Variants in USP37 observed in about 807,000 individuals in gnomAD.
USP37 encodes ubiquitin carboxyl-terminal hydrolase 37.
Under a neutral mutation model 124.0 loss-of-function variants are expected in USP37, and 27 were observed. The observed-to-expected ratio is 0.22, with a 90% CI of 0.16 to 0.30. The LOEUF (loss-of-function observed/expected upper bound fraction) is 0.30, where lower values mean the gene tolerates loss of function less well. USP37 is among the 10% of genes least tolerant of loss of function. The pLI is 1.00. For missense variants in USP37, 889 were observed against 1,140.4 expected, an observed-to-expected ratio of 0.78 and a Z score of 3.17; for synonymous variants, 365 against 388.0, an observed-to-expected ratio of 0.94 and a Z score of 0.70.
At chr2:218,484,714 C>G (rs1470055221) in intron 16 of USP37, among the ~76,000 whole-genome samples, 1 of 150,226 alleles carries the variant, frequency 6.7e-6, no homozygotes, top group Non-Finnish European at 1.5e-5. Flanking sequence ...TGTAAAAGAA[C>G]TAGTCTCTAG....
At chr2:218,460,811 C>T (rs1257413546) in intron 22 of USP37, among the ~76,000 whole-genome samples, 1 of 151,976 alleles carries the variant, frequency 6.6e-6, no homozygotes, top group East Asian at 1.9e-4. Flanking sequence ...TGTGGTGGCG[C>T]ACACCAGTAG....
chr2:218,558,462 C>T (rs1693146682), intron 4 of USP37, 36 bp downstream of exon 4: 2 of 1,589,310 alleles, frequency 1.3e-6, no homozygotes, highest in Non-Finnish European at 1.7e-6. Context: ...AAATGATCTG[C>T]TTCAAGAGCT....
intron 8 of USP37, among the ~76,000 whole-genome samples, chr2:218,545,693 A>T (rs1049923386): frequency 1.3e-5 from 2 of 151,992 alleles, no homozygotes; most frequent in Non-Finnish European, 2.9e-5. Flanking sequence ...AAAAAAAAAA[A>T]TCCTCACAAA....
At chr2:218,487,024 C>A (rs909749836) in intron 15 of USP37, among the ~76,000 whole-genome samples, 7 of 152,122 alleles carry the variant, frequency 4.6e-5, no homozygotes, top group African/African-American at 1.7e-4. Context: ...CCGTGCCCGG[C>A]CTTATTTTTA....
intron 1 of USP37, among the ~76,000 whole-genome samples, chr2:218,565,076 C>T (rs1235800981): frequency 6.6e-6 from 1 of 152,138 alleles, no homozygotes; most frequent in Non-Finnish European, 1.5e-5. Flanking sequence ...CACATGCCAC[C>T]AAACCCGGCT....
At chr2:218,536,762 C>T (rs572020196) in intron 8 of USP37, among the ~76,000 whole-genome samples, 1 of 152,160 alleles carries the variant, frequency 6.6e-6, no homozygotes, top group East Asian at 1.9e-4. Context: ...TCTACAACAG[C>T]TGGTACTAAA....
At chr2:218,517,479 C>G (rs184635791) in intron 10 of USP37, among the ~76,000 whole-genome samples, 17 of 152,090 alleles carry the variant, frequency 1.1e-4, no homozygotes, top group Non-Finnish European at 2.2e-4. Context: ...ACCTTTACTT[C>G]GAAACTATAG....
chr2:218,530,105 A>T, intron 9 of USP37, 65 bp from the exon 10 acceptor site: 1 of 1,270,808 alleles, frequency 7.9e-7, no homozygotes, highest in Non-Finnish European at 1.1e-6. Flanking sequence ...TCATTTAATA[A>T]TAAAAGTATA....
intron 1 of USP37, among the ~76,000 whole-genome samples, 194 bp from the exon 2 acceptor site, chr2:218,563,007 T>C (rs926963085): frequency 6.6e-6 from 1 of 151,806 alleles, no homozygotes; most frequent in Admixed American, 6.6e-5. Flanking sequence ...CTACTAAAAA[T>C]ACAAAATTAG....
intron 13 of USP37, among the ~76,000 whole-genome samples, chr2:218,497,093 CAG>C (rs1446461336): frequency 1.3e-5 from 2 of 152,018 alleles, no homozygotes; most frequent in Admixed American, 6.5e-5. Flanking sequence ...TTTTTTGAGA[CAG>C]AGTCTTGCCC....
At chr2:218,526,123 A>T (rs1351745564) in intron 10 of USP37, among the ~76,000 whole-genome samples, 1 of 152,176 alleles carries the variant, frequency 6.6e-6, no homozygotes, top group Non-Finnish European at 1.5e-5. Context: ...TGTCTTTGCT[A>T]TTGTGAATAG....
intron 22 of USP37, among the ~76,000 whole-genome samples, chr2:218,461,596 ATGTG>A (rs1296245198): frequency 6.6e-6 from 1 of 152,216 alleles, no homozygotes; most frequent in Non-Finnish European, 1.5e-5. Flanking sequence ...TTGGAAATAC[ATGTG>A]TGACTGACTC....
chr2:218,531,519 C>T (rs1269702818), intron 9 of USP37, among the ~76,000 whole-genome samples: 1 of 152,198 alleles, frequency 6.6e-6, no homozygotes, highest in Non-Finnish European at 1.5e-5. Flanking sequence ...TTCACGCCTA[C>T]TAACTCAACA....
rs754121518 is a variant in USP37, at chr2:218,474,821, A to C, written c.2108T>G (p.Met703Arg). ...AGCTGCTAGAAGCTCTTCTTCGCTC[A>C]TTCTGTCAAATCCTGAGTTTTCCAA... ...SELENSGFDR[M>R]SEEELLAAVL... The change falls in exon 20 of 26, where the codon ATG becomes AGG. Residue 703 changes from methionine to arginine, a missense_variant. Coordinates refer to ENST00000258399, the MANE Select transcript of USP37 (RefSeq NM_020935.3). The C allele has an allele frequency of 6.2e-6, 10 of 1,614,002 alleles. No individual in the cohort carries two copies. The African/African-American group carries it at 1.3e-4, about 22-fold the overall frequency.
chr2:218,533,082 G>C lies in USP37; in HGVS notation c.778+1527C>G, dbSNP rs144100467. Among the ~76,000 whole-genome samples, 3 of 151,748 alleles carry C rather than the reference G, an allele frequency of 2.0e-5. No individual in the cohort carries two copies. In the East Asian group the frequency reaches 5.8e-4, roughly 29 times the overall value. On this transcript the variant is annotated intron_variant, in intron 9 of 25. Coordinates refer to ENST00000258399, the MANE Select transcript of USP37 (RefSeq NM_020935.3). ...TTTGTGCTATTAGCTTTATTTATGT[G>C]GTCTGGAACTACATCTGCAATATCT...
At chr2:218,478,960 A>G (rs1002817132) in intron 18 of USP37, among the ~76,000 whole-genome samples, 24 of 152,188 alleles carry the variant, frequency 1.6e-4, no homozygotes, top group African/African-American at 5.8e-4. Flanking sequence ...AACAACAAAA[A>G]TGTCTCTTCT....
intron 23 of USP37, among the ~76,000 whole-genome samples, 195 bp downstream of exon 23, chr2:218,459,595 T>G (rs1689894050): frequency 7.2e-6 from 1 of 138,214 alleles, no homozygotes. Flanking sequence ...GTTTTTTTTG[T>G]TTGTTTGTTT....
chr2:218,558,446 T>C (rs1448822664), intron 4 of USP37, 52 bp downstream of exon 4: 17 of 1,548,494 alleles, frequency 1.1e-5, no homozygotes, highest in Admixed American at 5.5e-5. Context: ...AGAATAGCTA[T>C]TTACTAAATG....
At chr2:218,565,246 T>C (rs1693528476) in intron 1 of USP37, among the ~76,000 whole-genome samples, 1 of 152,216 alleles carries the variant, frequency 6.6e-6, no homozygotes, top group Non-Finnish European at 1.5e-5. Flanking sequence ...TTCTTTGTCA[T>C]TCACCAACAA....
Sources: allele counts gnomAD v4.1 joint callset (sites outside exome capture counted in the v4.1 genomes callset), GRCh38; gene constraint gnomAD v4.1.1; transcripts MANE v1.5; gene names NCBI Gene and HGNC (gene_info 2026-07-23, HGNC 2026-07-21).